Variants in NPEPPS observed in about 807,000 individuals in gnomAD.
NPEPPS encodes the protein puromycin-sensitive aminopeptidase.
A neutral mutation model predicts 115.5 loss-of-function variants in NPEPPS; 14 were observed. The ratio of observed to expected loss-of-function variants is 0.12; its 90% CI spans 0.08 to 0.19. The LOEUF is 0.19. Ranked by LOEUF, NPEPPS falls within the 10% of genes least tolerant of loss-of-function variation. The pLI is 1.00. For missense variants in NPEPPS, 523 were observed against 1,110.8 expected, an observed-to-expected ratio of 0.47 and a Z score of 7.52; for synonymous variants, 285 against 390.6, an observed-to-expected ratio of 0.73 and a Z score of 3.19.
chr17:47,551,874 T>C (rs1909671071), intron 2 of NPEPPS, among the ~76,000 whole-genome samples: 1 of 129,472 alleles, frequency 7.7e-6, no homozygotes, highest in Admixed American at 8.6e-5. Flanking sequence ...ACAGAGGGCA[T>C]ATTTTTCAAA....
chr17:47,617,404 CTG>C (rs1367628586), intron 19 of NPEPPS, among the ~76,000 whole-genome samples: 1 of 152,036 alleles, frequency 6.6e-6, no homozygotes, highest in Non-Finnish European at 1.5e-5. Context: ...GTTGTCCAGA[CTG>C]GAGTGCAGTG....
Position 47,585,592 on chromosome 17 carries a change from A to G in NPEPPS, c.741A>G (p.Ala247=), listed in dbSNP as rs1912133377. The G allele has an allele frequency of 6.2e-7, 1 of 1,613,900 alleles. No individual in the cohort carries two copies. The highest frequency in any genetic ancestry group is 1.7e-5 in the Admixed American group (1 of 60,006). Residue 247 remains alanine, a synonymous_variant, in exon 6 of 23, where the codon GCA becomes GCG. Coordinates refer to ENST00000322157, the MANE Select transcript of NPEPPS (RefSeq NM_006310.4). The stretch of plus-strand genomic sequence containing the variant: ...CTGTTATGTCTACATATCTGGTGGC[A>G]TTTGTTGTGGGTGAATATGACTTTG... ...RTPVMSTYLV[A]FVVGEYDFVE... is the part of the protein sequence containing the mutation.
At chr17:47,602,366 GGGAGGCCGAGGCAGGTAGATCACTTTC>G (rs1402268984) in intron 15 of NPEPPS, among the ~76,000 whole-genome samples, 14 of 152,054 alleles carry the variant, frequency 9.2e-5, no homozygotes, top group South Asian at 6.2e-4. Flanking sequence ...GTAGCACTTT[GGGAGGCCGAGGCAGGTAGATCACTTTC>G]GGAGGCCGAG....
intron 12 of NPEPPS, among the ~76,000 whole-genome samples, chr17:47,592,932 G>A (rs1409879694): frequency 6.6e-6 from 1 of 151,980 alleles, no homozygotes; most frequent in Admixed American, 6.6e-5. Context: ...AGGCCCTGGT[G>A]TGTGATGTTC....
chr17:47,575,523 TAAC>T lies in NPEPPS; in HGVS notation c.419-3863_419-3861del, dbSNP rs941369690. ...CCAATATAACAATTTTGAGCTAATA[TAAC>T]AACTGATATAAATATTAGAACAGAA... On this transcript the variant is annotated intron_variant, in intron 3 of 22. Coordinates refer to ENST00000322157, the MANE Select transcript of NPEPPS (RefSeq NM_006310.4). Among the ~76,000 whole-genome samples, 5 of 150,422 alleles carry T rather than the reference TAAC, an allele frequency of 3.3e-5. No homozygotes were observed. The East Asian group carries it at 9.7e-4, about 29-fold the overall frequency.
chr17:47,605,853 G>C (rs1193449635), intron 17 of NPEPPS, among the ~76,000 whole-genome samples: 1 of 152,082 alleles, frequency 6.6e-6, no homozygotes, highest in Non-Finnish European at 1.5e-5. Flanking sequence ...GGAATTTTAG[G>C]TTGTTTTGTT....
At chr17:47,565,505 CA>C (rs1172238090) in intron 2 of NPEPPS, among the ~76,000 whole-genome samples, 26,479 of 64,500 alleles carry the variant, frequency 0.41, 2,567 homozygotes, top group East Asian at 0.52. Context: ...GACTCCATCT[CA>C]AAAAAAAAAA....
At position 47,585,645 on chromosome 17, in the gene NPEPPS, G is replaced by A. The variant is rs1912135389; in HGVS notation, c.794G>A (p.Cys265Tyr). Residue 265 changes from cysteine (C) to tyrosine (Y), a missense_variant, in exon 6 of 23, where the codon TGT (cysteine) becomes TAT (tyrosine). Physicochemically the swap from Cys to Tyr is radical, Grantham distance 194. Coordinates refer to ENST00000322157, the MANE Select transcript of NPEPPS (RefSeq NM_006310.4). ...FVETRSKDGVCVRVYTPVGKA... is the reference protein window; with the variant it reads ...FVETRSKDGVYVRVYTPVGKA... The stretch of plus-strand genomic sequence containing the variant: ...GAAACAAGGTCAAAAGATGGTGTGT[G>A]TGTCCGTGTTTACACTCCTGTTGGC... The A allele has an allele frequency of 5.0e-6, 8 of 1,613,972 alleles. No individual in the cohort carries two copies. Among genetic ancestry groups the A allele is most frequent in the Non-Finnish European group, 5.9e-6 (7 of 1,179,872 alleles).
intron 2 of NPEPPS, among the ~76,000 whole-genome samples, chr17:47,567,261 A>G (rs1157714833): frequency 6.6e-6 from 1 of 152,240 alleles, no homozygotes; most frequent in Non-Finnish European, 1.5e-5. Context: ...AGGATTTATT[A>G]AAGTTCTTTT....
chr17:47,577,917 TCAGAGGGGCCAGGCA>T (rs1334491554), intron 3 of NPEPPS, among the ~76,000 whole-genome samples: 1 of 152,118 alleles, frequency 6.6e-6, no homozygotes, highest in Non-Finnish European at 1.5e-5. Flanking sequence ...CAAAAGAATG[TCAGAGGGGCCAGGCA>T]CAGTGGCTCA....
chr17:47,621,035 A>G (rs1597903228), intron 22 of NPEPPS, among the ~76,000 whole-genome samples: 1 of 151,908 alleles, frequency 6.6e-6, no homozygotes, highest in East Asian at 1.9e-4. Context: ...GGAAAAAACA[A>G]TTTGGCCTGG....
intron 5 of NPEPPS, among the ~76,000 whole-genome samples, chr17:47,584,495 T>C (rs113025709): frequency 5.3e-5 from 8 of 152,158 alleles, no homozygotes; most frequent in Non-Finnish European, 7.3e-5. Flanking sequence ...TATGTATTTA[T>C]TGGGGGAGAG....
intron 19 of NPEPPS, among the ~76,000 whole-genome samples, chr17:47,616,446 G>T (rs1273045227): frequency 6.6e-6 from 1 of 152,168 alleles, no homozygotes; most frequent in Admixed American, 6.5e-5. Flanking sequence ...CACTTTGGGA[G>T]GCCGAGGCGG....
intron 19 of NPEPPS, among the ~76,000 whole-genome samples, chr17:47,615,339 G>A (rs914568496): frequency 6.6e-6 from 1 of 152,162 alleles, no homozygotes; most frequent in Non-Finnish European, 1.5e-5. Flanking sequence ...GCCTCCCAAA[G>A]TGCTGGGATT....
At chr17:47,588,284 G>A (rs1014027743) in intron 9 of NPEPPS, among the ~76,000 whole-genome samples, 2 of 151,982 alleles carry the variant, frequency 1.3e-5, no homozygotes, top group African/African-American at 2.4e-5. Context: ...ATTTCAGGCC[G>A]GGCACGGTGG....
intron 13 of NPEPPS, among the ~76,000 whole-genome samples, chr17:47,596,985 T>C (rs148097040): frequency 0.022 from 3,291 of 151,886 alleles, 117 homozygotes; most frequent in African/African-American, 0.074. Context: ...GAGGTGGAAG[T>C]TGCAGCGAGC....
chr17:47,546,523 T>A (rs1157094111), intron 2 of NPEPPS, among the ~76,000 whole-genome samples: 3 of 152,306 alleles, frequency 2.0e-5, no homozygotes, highest in Non-Finnish European at 4.4e-5. Flanking sequence ...CAATTTATTT[T>A]ATTTTTAAAT....
intron 16 of NPEPPS, among the ~76,000 whole-genome samples, chr17:47,604,286 A>G (rs1412856546): frequency 6.6e-6 from 1 of 152,210 alleles, no homozygotes; most frequent in African/African-American, 2.4e-5. Context: ...TATCCTTTGT[A>G]AGGCAAAAAA....
chr17:47,613,300 CTG>C (rs1411542101), intron 18 of NPEPPS, among the ~76,000 whole-genome samples: 2 of 126,542 alleles, frequency 1.6e-5, no homozygotes, highest in Admixed American at 1.9e-4. Flanking sequence ...GAGTCTCACT[CTG>C]TTACCCAGGC....
Sources: allele counts gnomAD v4.1 joint callset (sites outside exome capture counted in the v4.1 genomes callset), GRCh38; gene constraint gnomAD v4.1.1; transcripts MANE v1.5; gene names NCBI Gene and HGNC (gene_info 2026-07-23, HGNC 2026-07-21).